VTI1A: variants seen among roughly 807,000 people sequenced by gnomAD.
VTI1A encodes vesicle transport through interaction with t-SNAREs homolog 1A.
Under a neutral mutation model 34.9 loss-of-function variants are expected in VTI1A, and 22 were observed. The observed-to-expected ratio is 0.63, with a 90% CI of 0.45 to 0.90. The LOEUF (loss-of-function observed/expected upper bound fraction) is 0.90. VTI1A is among the 40% of genes least tolerant of loss of function. The probability of loss-of-function intolerance (pLI) is 0.00; values close to 1 mark genes in which losing one functional copy is unlikely to be tolerated. For missense variants in VTI1A, 268 were observed against 275.6 expected (o/e 0.97, Z 0.20); for synonymous variants, 87 against 97.3 (o/e 0.89, Z 0.62).
At chr10:112,504,513 T>C (rs541002300) in intron 3 of VTI1A, among the ~76,000 whole-genome samples, 1 of 152,028 alleles carries the variant, frequency 6.6e-6, no homozygotes, top group East Asian at 1.9e-4. Flanking sequence ...TTTTTTTTTA[T>C]AGCTTAATGG....
At chr10:112,813,600 A>G (rs1390945092) in intron 7 of VTI1A, among the ~76,000 whole-genome samples, 1 of 152,240 alleles carries the variant, frequency 6.6e-6, no homozygotes, top group Admixed American at 6.5e-5. Context: ...GGTTTTAAAC[A>G]GAGCCACCAA....
chr10:112,583,832 A>G (rs958324262), intron 5 of VTI1A, among the ~76,000 whole-genome samples: 2 of 152,198 alleles, frequency 1.3e-5, no homozygotes, highest in Admixed American at 1.3e-4. Flanking sequence ...AAAAGAATGA[A>G]CAAAAGTACA....
intron 5 of VTI1A, among the ~76,000 whole-genome samples, chr10:112,542,318 C>T (rs1850899870): frequency 6.6e-6 from 1 of 152,144 alleles, no homozygotes; most frequent in South Asian, 2.1e-4. Context: ...AGATGGGCCC[C>T]CGTGCACCTG....
At chr10:112,768,687 G>A (rs1851715579) in intron 7 of VTI1A, among the ~76,000 whole-genome samples, 1 of 152,208 alleles carries the variant, frequency 6.6e-6, no homozygotes, top group Non-Finnish European at 1.5e-5. Context: ...GAATCCTGGA[G>A]CAGGGGTGAG....
chr10:112,525,285 A>C (rs1042793071), intron 3 of VTI1A, among the ~76,000 whole-genome samples: 3 of 152,202 alleles, frequency 2.0e-5, no homozygotes, highest in Non-Finnish European at 4.4e-5. Context: ...CTTACTGCAG[A>C]AGTCAAGGTA....
At chr10:112,809,872 T>C (rs1853223635) in intron 7 of VTI1A, among the ~76,000 whole-genome samples, 1 of 151,536 alleles carries the variant, frequency 6.6e-6, no homozygotes, top group Non-Finnish European at 1.5e-5. Context: ...TGTAGGGAGA[T>C]AGGAGAATAC....
intron 2 of VTI1A, among the ~76,000 whole-genome samples, chr10:112,463,640 A>G (rs1004739209): frequency 6.6e-6 from 1 of 152,012 alleles, no homozygotes; most frequent in African/African-American, 2.4e-5. Context: ...AAAAAAAAAA[A>G]GCGCCTTGCT....
chr10:112,617,073 G>A (rs2134544496), intron 5 of VTI1A, among the ~76,000 whole-genome samples: 1 of 151,972 alleles, frequency 6.6e-6, no homozygotes, highest in East Asian at 1.9e-4. Flanking sequence ...TAAATACAGA[G>A]TTTCACATCT....
intron 5 of VTI1A, among the ~76,000 whole-genome samples, chr10:112,610,962 G>T (rs2134513911): frequency 6.6e-6 from 1 of 152,096 alleles, no homozygotes; most frequent in Admixed American, 6.5e-5. Context: ...ACTTTAGGAT[G>T]GATCTAGACT....
chr10:112,797,716 T>C (rs1380404246), intron 7 of VTI1A, among the ~76,000 whole-genome samples: 1 of 152,186 alleles, frequency 6.6e-6, no homozygotes, highest in African/African-American at 2.4e-5. Flanking sequence ...TTGTTTGTTT[T>C]CTCACCTTTT....
chr10:112,850,142 G>A, the VTI1A span, among the ~76,000 whole-genome samples: 7 of 152,128 alleles, frequency 4.6e-5, no homozygotes, highest in Non-Finnish European at 1.0e-4. Context: ...TCTGATCAGC[G>A]TTTTTCCCAG....
chr10:112,829,300 C>T, the VTI1A span, among the ~76,000 whole-genome samples: 18 of 151,834 alleles, frequency 1.2e-4, no homozygotes, highest in Non-Finnish European at 2.4e-4. Flanking sequence ...AAAAATTAGC[C>T]GAGCGTGGTG....
rs775597186 is a variant in VTI1A at position 112,464,572 on chromosome 10, G to A, written c.179G>A (p.Arg60Gln). 26 of 1,612,736 alleles carry A rather than the reference G, an allele frequency of 1.6e-5. No homozygotes were observed. Among genetic ancestry groups the A allele is most frequent in the Non-Finnish European group, 2.0e-5 (23 of 1,179,122 alleles). Residue 60 changes from arginine (R) to glutamine (Q), a missense_variant, in exon 3 of 8, where the codon CGA becomes CAA. By Grantham distance (43) the Arg-to-Gln change is conservative (BLOSUM62 1). Coordinates refer to ENST00000393077, the MANE Select transcript of VTI1A (RefSeq NM_145206.4). The part of the protein sequence containing the change: ...ELLEQMDLEV[R>Q]EIPPQSRGMY... ...CTTGAACAGATGGATTTGGAAGTCC[G>A]AGAGATACCACCCCAAAGTCGAGGG... is the stretch of plus-strand genomic sequence containing the variant.
chr10:112,810,751 G>A (rs1010423054), intron 7 of VTI1A, among the ~76,000 whole-genome samples: 3 of 152,208 alleles, frequency 2.0e-5, no homozygotes, highest in Non-Finnish European at 2.9e-5. Context: ...GGAAACGAAC[G>A]CAGCCACTGT....
rs79922424 is a variant in VTI1A, at chr10:112,599,330, A to C, written c.427+61000A>C. The stretch of plus-strand genomic sequence containing the variant: ...GCAGCCAGGATGTGGTGTTGGGTAG[A>C]TATGGTGCAGGCCAATTGGACAGAC... On this transcript the variant is annotated intron_variant, in intron 5 of 7. Coordinates refer to ENST00000393077, the MANE Select transcript of VTI1A (RefSeq NM_145206.4). Among the ~76,000 whole-genome samples, 37 of 152,300 alleles carry C rather than the reference A, an allele frequency of 2.4e-4. 2 individuals are homozygous for C. The East Asian group carries it at 6.8e-3, about 28-fold the overall frequency.
intron 5 of VTI1A, among the ~76,000 whole-genome samples, chr10:112,603,050 A>C (rs1844936077): frequency 6.6e-6 from 1 of 152,236 alleles, no homozygotes; most frequent in Non-Finnish European, 1.5e-5. Flanking sequence ...TTGAATTCAT[A>C]AATGATTTGT....
At chr10:112,619,245 G>A (rs1201250953) in intron 5 of VTI1A, among the ~76,000 whole-genome samples, 3 of 152,044 alleles carry the variant, frequency 2.0e-5, no homozygotes, top group African/African-American at 7.2e-5. Flanking sequence ...CAGTTATTTG[G>A]GAGAAACAGT....
At chr10:112,588,322 CAATA>C (rs1300323705) in intron 5 of VTI1A, among the ~76,000 whole-genome samples, 4 of 151,448 alleles carry the variant, frequency 2.6e-5, no homozygotes, top group Admixed American at 1.3e-4. Context: ...TCTCTTGAAA[CAATA>C]AATAAATAAA....
intron 5 of VTI1A, among the ~76,000 whole-genome samples, chr10:112,619,063 G>GT (rs34173451): frequency 0.42 from 62,068 of 146,052 alleles, 13,628 homozygotes; most frequent in Admixed American, 0.55. Context: ...AGTAAACACA[G>GT]TTTTTTTTTT....
Sources: allele counts gnomAD v4.1 joint callset (sites outside exome capture counted in the v4.1 genomes callset), GRCh38; gene constraint gnomAD v4.1.1; transcripts MANE v1.5; gene names NCBI Gene and HGNC (gene_info 2026-07-23, HGNC 2026-07-21).